Variants in CYRIB observed in about 807,000 individuals in gnomAD.
CYRIB encodes the protein CYFIP related Rac1 interactor B, also known as CYFIP-related Rac1 interactor B.
Under a neutral mutation model 44.2 loss-of-function variants are expected in CYRIB, and 8 were observed. That is an observed-to-expected ratio of 0.18 (90% CI 0.11 to 0.33). The LOEUF is 0.33. Ranked by LOEUF, CYRIB falls within the 10% of genes least tolerant of loss-of-function variation. The probability of loss-of-function intolerance (pLI) is 1.00; values close to 1 mark genes in which losing one functional copy is unlikely to be tolerated. For synonymous variants in CYRIB, 131 were observed against 127.2 expected, an observed-to-expected ratio of 1.03 and a Z score of -0.20; for missense variants, 185 against 382.8, an observed-to-expected ratio of 0.48 and a Z score of 4.31.
Position 129,862,001 on chromosome 8 carries a change from G to A in CYRIB, c.301+228C>T, listed in dbSNP as rs139291640. ...ATGCTCAGATTCATGTATGTAAAAC[G>A]ACAGATGATGAGGAAAATAACTTGT... On this transcript the variant is annotated intron_variant, in intron 5 of 11. Coordinates refer to ENST00000519824, the Ensembl canonical transcript of CYRIB. 3.9e-5 allele frequency among the ~76,000 whole-genome samples: 6 copies of A among 152,206 alleles called. No individual in the cohort carries two copies. In the East Asian group the frequency reaches 9.6e-4, roughly 24 times the overall value.
intron 1 of CYRIB, among the ~76,000 whole-genome samples, chr8:129,938,338 T>C (rs548704747): frequency 1.2e-4 from 18 of 152,288 alleles, no homozygotes; most frequent in African/African-American, 4.1e-4. Context: ...CGATAGTAAG[T>C]CACCAAACAC....
intron 2 of CYRIB, among the ~76,000 whole-genome samples, chr8:129,897,788 A>T (rs1042181540): frequency 5.3e-5 from 8 of 151,918 alleles, no homozygotes; most frequent in Non-Finnish European, 1.2e-4. Flanking sequence ...TTTTTGAGAC[A>T]GAGTTTCACT....
At chr8:129,957,106 C>T (rs569463023) in intron 2 of CYRIB, among the ~76,000 whole-genome samples, 1 of 152,290 alleles carries the variant, frequency 6.6e-6, no homozygotes, top group South Asian at 2.1e-4. Context: ...AAGCAATCCT[C>T]CCACCACAGC....
chr8:129,921,267 C>T (rs2083411851), intron 1 of CYRIB, among the ~76,000 whole-genome samples: 1 of 152,294 alleles, frequency 6.6e-6, no homozygotes, highest in South Asian at 2.1e-4. Flanking sequence ...ATTTACTTAT[C>T]TTTCCTCTAC....
chr8:129,910,497 T>C, intron 1 of CYRIB, among the ~76,000 whole-genome samples: 1 of 142,254 alleles, frequency 7.0e-6, no homozygotes, highest in African/African-American at 2.6e-5. Flanking sequence ...TTTTTTTTTT[T>C]TTTTTTTAAA....
At chr8:129,965,739 T>A (rs563433431) in intron 2 of CYRIB, among the ~76,000 whole-genome samples, 1 of 150,914 alleles carries the variant, frequency 6.6e-6, no homozygotes, top group African/African-American at 2.4e-5. Context: ...GAGCTTGCAG[T>A]GAGCTGAGAT....
chr8:129,914,665 A>G (rs2079790407), intron 1 of CYRIB, among the ~76,000 whole-genome samples: 1 of 152,232 alleles, frequency 6.6e-6, no homozygotes, highest in Non-Finnish European at 1.5e-5. Flanking sequence ...TGTACTAAGT[A>G]AATACTAGTT....
chr8:129,841,646 A>C (rs78985668), exon 12 of CYRIB: 1 of 153,190 alleles, frequency 6.5e-6, no homozygotes, highest in Admixed American at 6.5e-5. Context: ...ACTTTAAACA[A>C]AAGTATTACT....
intron 2 of CYRIB, among the ~76,000 whole-genome samples, chr8:129,902,422 G>A (rs894185174): frequency 1.3e-5 from 2 of 152,166 alleles, no homozygotes; most frequent in Non-Finnish European, 2.9e-5. Flanking sequence ...GTTTCACCAT[G>A]TTGGCCAGGC....
At chr8:129,889,037 A>G (rs1433148186) in intron 2 of CYRIB, among the ~76,000 whole-genome samples, 1 of 152,202 alleles carries the variant, frequency 6.6e-6, no homozygotes, top group Non-Finnish European at 1.5e-5. Flanking sequence ...GGTTGCAGTG[A>G]GCCAAGATCG....
At position 129,914,375 on chromosome 8, in the gene CYRIB, T is replaced by C. The variant is rs191501745; in HGVS notation, c.-49-11025A>G. ...ACTGATCAACATAAGAGAGTGGTTA[T>C]GGTGAAAAGGATGACAATGTCTCAG... On this transcript the variant is annotated intron_variant, in intron 1 of 11. Transcript: ENST00000519824. Among the ~76,000 whole-genome samples, 4 of 152,348 alleles carry C rather than the reference T, an allele frequency of 2.6e-5. No homozygotes were observed. The South Asian group carries it at 6.2e-4, about 24-fold the overall frequency.
intron 1 of CYRIB, among the ~76,000 whole-genome samples, chr8:129,930,379 A>ATATATATATATTTTTTTTT (rs971468534): frequency 7.7e-6 from 1 of 130,136 alleles, no homozygotes; most frequent in African/African-American, 2.8e-5. Context: ...ATATATATAT[A>ATATATATATATTTTTTTTT]TTTTAATTAT....
intron 1 of CYRIB, among the ~76,000 whole-genome samples, chr8:129,976,824 G>T (rs547779674): frequency 2.7e-5 from 4 of 150,618 alleles, no homozygotes; most frequent in Admixed American, 6.6e-5. Flanking sequence ...ATGTGTTGTT[G>T]TTTTTTTTTG....
chr8:129,859,966 AAGC>A (rs1242338643), intron 5 of CYRIB, among the ~76,000 whole-genome samples: 2 of 152,222 alleles, frequency 1.3e-5, no homozygotes, highest in African/African-American at 4.8e-5. Flanking sequence ...TCTTCAAATT[AAGC>A]AGGTAATCCT....
At chr8:129,852,361 C>T (rs913413171) in intron 7 of CYRIB, 83 bp from the exon 10 acceptor site, 2 of 741,854 alleles carry the variant, frequency 2.7e-6, no homozygotes, top group Non-Finnish European at 2.0e-6. Context: ...AGGCAGGGTG[C>T]CTGCCTCAAT....
chr8:129,909,398 T>A (rs1167612679), intron 1 of CYRIB, among the ~76,000 whole-genome samples: 1 of 152,216 alleles, frequency 6.6e-6, no homozygotes, highest in African/African-American at 2.4e-5. Flanking sequence ...TAACAATTTA[T>A]TCTCTTCTAA....
chr8:129,965,384 C>A (rs2095434647), intron 2 of CYRIB, among the ~76,000 whole-genome samples: 1 of 152,042 alleles, frequency 6.6e-6, no homozygotes, highest in African/African-American at 2.4e-5. Flanking sequence ...GGCAGCATAC[C>A]ACATATACTT....
At chr8:129,960,875 G>A (rs1330425151) in intron 2 of CYRIB, among the ~76,000 whole-genome samples, 2 of 150,918 alleles carry the variant, frequency 1.3e-5, no homozygotes, top group African/African-American at 2.4e-5. Context: ...GCTTGAACCC[G>A]GGAGGCGGAG....
chr8:129,932,823 TGA>T (rs1453555588), intron 1 of CYRIB, among the ~76,000 whole-genome samples: 2 of 152,164 alleles, frequency 1.3e-5, no homozygotes, highest in African/African-American at 2.4e-5. Context: ...CCCTGGAATC[TGA>T]GAGTGATCCT....
Sources: allele counts gnomAD v4.1 joint callset (sites outside exome capture counted in the v4.1 genomes callset), GRCh38; gene constraint gnomAD v4.1.1; transcripts MANE v1.5; gene names NCBI Gene and HGNC (gene_info 2026-07-23, HGNC 2026-07-21).